The following POF1B variants were observed in gnomAD, a reference collection of about 807,000 sequenced individuals.
POF1B encodes POF1B actin binding protein.
A neutral mutation model predicts 55.3 loss-of-function variants in POF1B; 53 were observed. The observed-to-expected ratio is 0.96, with a 90% confidence interval of 0.77 to 1.20. POF1B has a LOEUF of 1.20. POF1B is among the 50% of genes most tolerant of loss of function. The pLI is 0.00. For synonymous variants in POF1B, 188 were observed against 148.3 expected (o/e 1.27, Z -1.95); for missense variants, 478 against 420.5 (o/e 1.14, Z -1.20).
At chrX:85,320,285 A>T (rs779209503) in intron 7 of POF1B, among the ~76,000 whole-genome samples, 3 of 110,924 alleles carry the variant, frequency 2.7e-5, no homozygotes, top group South Asian at 7.7e-4. Flanking sequence ...GGATTAAGAA[A>T]CTCACTCAAA....
intron 2 of POF1B, among the ~76,000 whole-genome samples, chrX:85,371,711 T>C (rs1398629343): frequency 8.9e-6 from 1 of 111,776 alleles, no homozygotes; most frequent in Non-Finnish European, 1.9e-5. Flanking sequence ...AATTATTCAG[T>C]GTCAAAAGCA....
intron 15 of POF1B, among the ~76,000 whole-genome samples, chrX:85,294,830 G>A (rs1483383570): frequency 2.7e-5 from 3 of 111,719 alleles, no homozygotes; most frequent in Non-Finnish European, 5.7e-5. Context: ...ATTTACCTGT[G>A]AATCCTTCTG....
chrX:85,362,477 C>T (rs1001634499), intron 3 of POF1B, among the ~76,000 whole-genome samples: 1 of 111,658 alleles, frequency 9.0e-6, no homozygotes, highest in Non-Finnish European at 1.9e-5. Flanking sequence ...TTATCAAAAG[C>T]CTTTCTGCAT....
chrX:85,359,604 A>G lies in POF1B; in HGVS notation c.384T>C (p.Leu128=). The G allele has an allele frequency of 8.3e-7, 1 of 1,201,565 alleles. No individual in the cohort carries two copies. The highest frequency in any genetic ancestry group is 1.8e-5 in the South Asian group (1 of 55,647). The change falls in exon 4 of 17, where the codon CTT becomes CTC. Residue 128 remains leucine (L), a synonymous_variant. Transcript: ENST00000262753. The part of the protein sequence containing the change: ...EQELHSPTVK[L]TTYPQTTIRK... ...TAATAGTGGTCTGTGGATATGTAGTAAGTTTCACTGTTGGAGAATGAAGTT... is the reference window on the plus strand; with the variant it reads ...TAATAGTGGTCTGTGGATATGTAGTGAGTTTCACTGTTGGAGAATGAAGTT...
chrX:85,342,921 A>G (rs1569292937), intron 6 of POF1B, among the ~76,000 whole-genome samples: 1 of 110,513 alleles, frequency 9.0e-6, no homozygotes. Flanking sequence ...GACCCAATCC[A>G]AAGTAATCTA....
chrX:85,285,747 A>C lies in POF1B; in HGVS notation c.1650-3430T>G, dbSNP rs1035919346. Among the ~76,000 whole-genome samples, 3 of 110,988 alleles carry C rather than the reference A, an allele frequency of 2.7e-5. No homozygotes were observed. In the Admixed American group the frequency reaches 2.9e-4, roughly 11 times the overall value. On this transcript the variant is annotated intron_variant, in intron 15 of 16. Coordinates refer to ENST00000262753, the MANE Select transcript of POF1B (RefSeq NM_024921.4). ...GCACACCAACATGGCACATGTATAC[A>C]TATGTAACAATCCTGCACATTGTGC...
rs182435648 is a variant in POF1B, at chrX:85,329,803, C to A, written c.854+1146G>T. Among the ~76,000 whole-genome samples, 117 of 107,646 alleles carry A rather than the reference C, an allele frequency of 1.1e-3. 1 individual carries two copies. Among genetic ancestry groups the A allele is most frequent in the African/African-American group, 3.8e-3 (113 of 29,662 alleles). The allele number at this position is 107,646 out of a possible 115,157, so 93.5% of individuals were successfully genotyped here. ...GCAAGAAAAATCAAGTGGGAGGGAG[C>A]TAATAGATGGAGAAAAGACAAGATA... On this transcript the variant is annotated intron_variant, in intron 7 of 16. Coordinates refer to ENST00000262753, the MANE Select transcript of POF1B (RefSeq NM_024921.4).
At position 85,306,202 on chromosome X, in the gene POF1B, C is replaced by A; in HGVS notation, c.1296G>T (p.Glu432Asp). ...ATACCTGCATTCTAAGGTTTTGATTCTCTTGCTCTAAATTACGTTTACAAT... is the reference window on the plus strand; with the variant it reads ...ATACCTGCATTCTAAGGTTTTGATTATCTTGCTCTAAATTACGTTTACAAT... ...LEYCKRNLEQ[E>D]NQNLRMQVSE... is the part of the protein sequence containing the mutation. Residue 432 changes from glutamate (E) to aspartate (D), a missense_variant, in exon 12 of 17, where the codon GAG becomes GAT. Glu to Asp is a conservative substitution (Grantham distance 45). Transcript: ENST00000262753. The A allele has an allele frequency of 8.3e-7, 1 of 1,202,138 alleles. No homozygotes were observed. The highest frequency in any genetic ancestry group is 1.1e-6 in the Non-Finnish European group (1 of 888,719).
At chrX:85,364,732 G>A (rs190340235) in intron 3 of POF1B, among the ~76,000 whole-genome samples, 1 of 111,304 alleles carries the variant, frequency 9.0e-6, no homozygotes, top group Non-Finnish European at 1.9e-5. Flanking sequence ...GTGTCTTGAG[G>A]ATGATCTTCT....
At chrX:85,300,831 T>A (rs1569281430) in intron 15 of POF1B, among the ~76,000 whole-genome samples, 1 of 111,611 alleles carries the variant, frequency 9.0e-6, no homozygotes, top group Non-Finnish European at 1.9e-5. Flanking sequence ...AGAACATTAT[T>A]AAAGAAAGAG....
At position 85,295,357 on chromosome X, in the gene POF1B, G is replaced by C. The variant is rs145576226; in HGVS notation, c.1649+8049C>G. On this transcript the variant is annotated intron_variant, in intron 15 of 16. Transcript: ENST00000262753. ...CTTTCTAACTTTTGTTGTAGGTGTTGAGTGATGTAAACTTCCTCTTAACAC... is the reference window on the plus strand; with the variant it reads ...CTTTCTAACTTTTGTTGTAGGTGTTCAGTGATGTAAACTTCCTCTTAACAC... Among the ~76,000 whole-genome samples the C allele has an allele frequency of 8.1e-3, 906 of 111,668 alleles. 11 individuals are homozygous for C. The highest frequency in any genetic ancestry group is 0.028 in the African/African-American group (854 of 30,770).
intron 5 of POF1B, among the ~76,000 whole-genome samples, chrX:85,348,723 C>T (rs1933321961): frequency 9.0e-6 from 1 of 111,382 alleles, no homozygotes; most frequent in African/African-American, 3.3e-5. Flanking sequence ...TGGGCATAAA[C>T]AAGTAAATAT....
chrX:85,360,525 ATG>A (rs1307779138), intron 3 of POF1B, among the ~76,000 whole-genome samples: 2 of 44,726 alleles, frequency 4.5e-5, no homozygotes, highest in Non-Finnish European at 7.6e-5. Flanking sequence ...ATTCCATGGT[ATG>A]TATATATATA....
At chrX:85,315,827 T>G in intron 7 of POF1B, 93 bp from the exon 8 acceptor site, 1 of 701,782 alleles carries the variant, frequency 1.4e-6, no homozygotes, top group South Asian at 4.4e-5. Flanking sequence ...TATCTTACTT[T>G]TTGAAATATA....
chrX:85,368,139 T>C (rs1429070395), intron 2 of POF1B, among the ~76,000 whole-genome samples: 3 of 112,212 alleles, frequency 2.7e-5, no homozygotes, highest in African/African-American at 9.7e-5. Flanking sequence ...TATTTCTTTT[T>C]TAAAATTCTT....
chrX:85,302,628 C>T (rs7889913), intron 15 of POF1B, among the ~76,000 whole-genome samples: 4,034 of 111,344 alleles, frequency 0.036, 196 homozygotes, highest in African/African-American at 0.13. Flanking sequence ...TGTACACAGA[C>T]GTTCACAGCA....
At chrX:85,307,101 C>T (rs1414147579) in intron 11 of POF1B, 62 bp downstream of exon 11, 7 of 843,370 alleles carry the variant, frequency 8.3e-6, no homozygotes, top group Non-Finnish European at 1.0e-5. Context: ...TCCAATGTGC[C>T]AGTAATTGTG....
chrX:85,360,527 G>GTGTATATATATATATA (rs1555988251), intron 3 of POF1B, among the ~76,000 whole-genome samples: 28 of 58,522 alleles, frequency 4.8e-4, no homozygotes, highest in Admixed American at 2.5e-3. Flanking sequence ...TCCATGGTAT[G>GTGTATATATATATATA]TATATATATA....
chrX:85,375,645 A>T lies in POF1B; in HGVS notation c.282+3528T>A, dbSNP rs781113369. Among the ~76,000 whole-genome samples, 5 of 111,711 alleles carry T rather than the reference A, an allele frequency of 4.5e-5. No homozygotes were observed. In the South Asian group the frequency reaches 1.1e-3, roughly 25 times the overall value. On this transcript the variant is annotated intron_variant, in intron 2 of 16. Transcript: ENST00000262753. Reference sequence around the variant, plus strand: ...TTTAGTGACTACGCCCTTGAACAACAATTTATCAAAGCAGCACACCCCTCC... The same window carrying T: ...TTTAGTGACTACGCCCTTGAACAACTATTTATCAAAGCAGCACACCCCTCC...
Sources: allele counts gnomAD v4.1 joint callset (sites outside exome capture counted in the v4.1 genomes callset), GRCh38; gene constraint gnomAD v4.1.1; transcripts MANE v1.5; gene names NCBI Gene and HGNC (gene_info 2026-07-23, HGNC 2026-07-21).